FGGY: variants seen among roughly 807,000 people sequenced by gnomAD.
FGGY encodes the protein FGGY carbohydrate kinase domain-containing protein.
FGGY carries 72 observed loss-of-function variants against 71.3 expected under a neutral mutation model. That is an observed-to-expected ratio of 1.01 (90% confidence interval 0.84 to 1.23). The LOEUF (loss-of-function observed/expected upper bound fraction) is 1.23, where lower values mean the gene tolerates loss of function less well. Ranked by LOEUF, FGGY falls within the 50% of genes most tolerant of loss-of-function variation. The pLI is 0.00. For missense variants in FGGY, 668 were observed against 682.3 expected (o/e 0.98, Z 0.23); for synonymous variants, 251 against 250.3 (o/e 1.00, Z -0.02).
intron 7 of FGGY, among the ~76,000 whole-genome samples, chr1:59,526,143 C>T (rs529179782): frequency 6.6e-6 from 1 of 152,070 alleles, no homozygotes; most frequent in African/African-American, 2.4e-5. Context: ...TGCATGTGTC[C>T]GTATATATGT....
rs1195204378 is a variant in FGGY, at chr1:59,591,416, C to G, written c.904-16387C>G. Among the ~76,000 whole-genome samples the G allele has an allele frequency of 2.0e-5, 3 of 152,164 alleles. No homozygotes were observed. The South Asian group carries it at 6.2e-4, about 31-fold the overall frequency. On this transcript the variant is annotated intron_variant, in intron 8 of 15. Coordinates refer to ENST00000303721, the MANE Select transcript of FGGY (RefSeq NM_018291.5). The stretch of plus-strand genomic sequence containing the variant: ...TCCCCATCAAGCTACCAATGACTTT[C>G]TTCACAGAATTGGAAAAAACTACTT...
chr1:59,451,536 T>G (rs970868257), intron 5 of FGGY, among the ~76,000 whole-genome samples: 4 of 150,796 alleles, frequency 2.7e-5, no homozygotes, highest in African/African-American at 1.0e-4. Context: ...TGCACATACA[T>G]GCATATATAT....
chr1:59,555,450 G>A (rs2095669936), intron 8 of FGGY, among the ~76,000 whole-genome samples: 1 of 152,156 alleles, frequency 6.6e-6, no homozygotes, highest in Non-Finnish European at 1.5e-5. Flanking sequence ...GACAGCACCT[G>A]TCAGAGTGCT....
chr1:59,608,822 A>T (rs1572034927), intron 9 of FGGY, among the ~76,000 whole-genome samples: 1 of 152,268 alleles, frequency 6.6e-6, no homozygotes, highest in African/African-American at 2.4e-5. Context: ...GGGCGACAAG[A>T]GCGAAACTCC....
chr1:59,571,287 CTT>C (rs1294039131), intron 8 of FGGY, among the ~76,000 whole-genome samples: 1 of 152,184 alleles, frequency 6.6e-6, no homozygotes, highest in Non-Finnish European at 1.5e-5. Flanking sequence ...GTCCAAAAGA[CTT>C]AAGCTTTCTT....
chr1:59,509,388 A>G (rs1166218620), intron 6 of FGGY, among the ~76,000 whole-genome samples: 1 of 152,158 alleles, frequency 6.6e-6, no homozygotes, highest in Non-Finnish European at 1.5e-5. Context: ...ACTGCCAGAG[A>G]GTGCTTAAAA....
chr1:59,528,258 T>C (rs2095046437), intron 7 of FGGY, among the ~76,000 whole-genome samples: 1 of 152,252 alleles, frequency 6.6e-6, no homozygotes, highest in Non-Finnish European at 1.5e-5. Flanking sequence ...TTTTCCAATG[T>C]GTTATACTTC....
chr1:59,576,524 A>G (rs2096077862), intron 8 of FGGY, among the ~76,000 whole-genome samples: 5 of 152,174 alleles, frequency 3.3e-5, no homozygotes, highest in Admixed American at 3.3e-4. Flanking sequence ...TTATGTAACA[A>G]ACCTGCACGT....
rs375936594 is a variant in FGGY at position 59,519,698 on chromosome 1, A to G, written c.799+7259A>G. Among the ~76,000 whole-genome samples, 14 of 152,330 alleles carry G rather than the reference A, an allele frequency of 9.2e-5. 1 individual carries two copies. The East Asian group carries it at 1.2e-3, about 13-fold the overall frequency. On this transcript the variant is annotated intron_variant, in intron 7 of 15. Coordinates refer to ENST00000303721, the MANE Select transcript of FGGY (RefSeq NM_018291.5). ...GATGACCATTTCTTACATGTGTCCT[A>G]TGTGCCAAGTACTCTACCTGATACT... is the stretch of plus-strand genomic sequence containing the variant.
chr1:59,515,235 G>GGAT (rs761079599), intron 7 of FGGY, among the ~76,000 whole-genome samples: 2 of 152,164 alleles, frequency 1.3e-5, no homozygotes, highest in African/African-American at 2.4e-5. Flanking sequence ...TTGCCTTGCT[G>GGAT]GATTTTGGAC....
At chr1:59,516,375 A>G (rs1230305585) in intron 7 of FGGY, among the ~76,000 whole-genome samples, 1 of 152,208 alleles carries the variant, frequency 6.6e-6, no homozygotes, top group Non-Finnish European at 1.5e-5. Context: ...GGCAAAGTCC[A>G]TTCGTTTTGG....
intron 5 of FGGY, 70 bp from the exon 6 acceptor site, chr1:59,456,891 T>C (rs2091754752): frequency 1.9e-6 from 2 of 1,044,662 alleles, no homozygotes; most frequent in Non-Finnish European, 3.0e-6. Context: ...CCTGGACGGG[T>C]ATTTTGCAAA....
intron 12 of FGGY, among the ~76,000 whole-genome samples, chr1:59,663,137 C>A (rs1243905866): frequency 1.3e-5 from 2 of 152,160 alleles, no homozygotes; most frequent in Non-Finnish European, 2.9e-5. Context: ...AAAGACGGTG[C>A]CTTGCCTACT....
chr1:59,661,752 G>A (rs1396319846), intron 12 of FGGY, among the ~76,000 whole-genome samples: 2 of 151,268 alleles, frequency 1.3e-5, no homozygotes, highest in Non-Finnish European at 2.9e-5. Flanking sequence ...ACAGAGTCTC[G>A]CTCTGTTGCC....
At chr1:59,440,987 G>A (rs1214554733) in intron 5 of FGGY, among the ~76,000 whole-genome samples, 1 of 151,978 alleles carries the variant, frequency 6.6e-6, no homozygotes, top group Non-Finnish European at 1.5e-5. Context: ...ACACTTTAAG[G>A]ACGTTTTGCG....
intron 14 of FGGY, among the ~76,000 whole-genome samples, chr1:59,731,333 G>C (rs1331505298): frequency 2.0e-5 from 3 of 152,120 alleles, no homozygotes; most frequent in African/African-American, 7.2e-5. Context: ...GACTTTCCCG[G>C]AATACTTCAG....
intron 6 of FGGY, among the ~76,000 whole-genome samples, chr1:59,489,072 G>C (rs2093743668): frequency 6.6e-6 from 1 of 151,982 alleles, no homozygotes; most frequent in Non-Finnish European, 1.5e-5. Context: ...AGAATATTTG[G>C]AGGTTATTTT....
At chr1:59,548,813 A>G (rs1217255896) in intron 7 of FGGY, among the ~76,000 whole-genome samples, 1 of 152,196 alleles carries the variant, frequency 6.6e-6, no homozygotes, top group Non-Finnish European at 1.5e-5. Context: ...CCATCATCAC[A>G]GAATGCTCTT....
intron 11 of FGGY, among the ~76,000 whole-genome samples, chr1:59,642,865 A>G (rs1329652375): frequency 1.3e-5 from 2 of 151,240 alleles, no homozygotes; most frequent in Admixed American, 1.3e-4. Context: ...CCCTGTCTCT[A>G]CTTAAAAAAG....
Sources: allele counts gnomAD v4.1 joint callset (sites outside exome capture counted in the v4.1 genomes callset), GRCh38; gene constraint gnomAD v4.1.1; transcripts MANE v1.5; gene names NCBI Gene and HGNC (gene_info 2026-07-23, HGNC 2026-07-21).